Variants in BMPR1A observed in about 807,000 individuals in gnomAD.
BMPR1A encodes bone morphogenetic protein receptor type 1A.
In BMPR1A, 7 loss-of-function variants were observed where a neutral mutation model predicts 66.0. That is an observed-to-expected ratio of 0.11 (90% CI 0.06 to 0.20). The LOEUF (loss-of-function observed/expected upper bound fraction) is 0.20. Among genes scored for constraint, BMPR1A ranks in the 10% least tolerant of loss-of-function variants. The probability of loss-of-function intolerance (pLI) is 1.00; values close to 1 mark genes in which losing one functional copy is unlikely to be tolerated. For synonymous variants in BMPR1A, 200 were observed against 229.7 expected (o/e 0.87, Z 1.17); for missense variants, 408 against 669.1 (o/e 0.61, Z 4.31).
At chr10:86,893,691 G>A (rs567471798) in intron 5 of BMPR1A, among the ~76,000 whole-genome samples, 2 of 152,176 alleles carry the variant, frequency 1.3e-5, no homozygotes, top group South Asian at 2.1e-4. Context: ...GGGAGGCTGA[G>A]GCAGGAGAAT....
intron 2 of BMPR1A, among the ~76,000 whole-genome samples, chr10:86,873,038 A>C (rs1842870943): frequency 6.6e-6 from 1 of 152,208 alleles, no homozygotes; most frequent in South Asian, 2.1e-4. Context: ...GAACTCACAC[A>C]CAGTCCTTTC....
downstream of BMPR1A, chr10:86,930,809 T>G (rs1843800275): frequency 6.6e-6 from 1 of 152,170 alleles, no homozygotes; most frequent in South Asian, 2.1e-4. Flanking sequence ...GGCATAATCA[T>G]AACGCACTGT....
rs369572074 is a variant in BMPR1A at position 86,775,665 on chromosome 10, G to GT, written c.-268+18756dup. Among the ~76,000 whole-genome samples the GT allele has an allele frequency of 7.2e-3, 1,072 of 149,156 alleles. 13 individuals carry two copies. Among genetic ancestry groups the GT allele is most frequent in the African/African-American group, 0.024 (994 of 40,784 alleles). ...AAAGGCATTCCTCTAAAAATAGCTA[G>GT]TTTTTTTTTTAATGTAATAGCTTGC... On this transcript the variant is annotated intron_variant, in intron 1 of 12. Transcript: ENST00000372037.
chr10:86,867,319 C>A (rs1042177405), intron 2 of BMPR1A, among the ~76,000 whole-genome samples: 8 of 152,176 alleles, frequency 5.3e-5, no homozygotes, highest in Non-Finnish European at 1.2e-4. Context: ...AATCCAAAAT[C>A]CAAAACACTT....
At chr10:86,862,671 T>C (rs1842727584) in intron 2 of BMPR1A, among the ~76,000 whole-genome samples, 1 of 152,052 alleles carries the variant, frequency 6.6e-6, no homozygotes, top group Admixed American at 6.6e-5. Context: ...GGACAGATTC[T>C]GCAGGTACAA....
At chr10:86,858,897 C>T (rs1220301429) in intron 2 of BMPR1A, among the ~76,000 whole-genome samples, 1 of 152,078 alleles carries the variant, frequency 6.6e-6, no homozygotes, top group African/African-American at 2.4e-5. Context: ...ATACCAGTGA[C>T]AGTCTTCATA....
intron 2 of BMPR1A, among the ~76,000 whole-genome samples, chr10:86,853,666 C>G (rs192517919): frequency 6.6e-6 from 1 of 152,036 alleles, no homozygotes; most frequent in Non-Finnish European, 1.5e-5. Context: ...GCTGGGCGTC[C>G]GGGGGAGACA....
intron 1 of BMPR1A, among the ~76,000 whole-genome samples, chr10:86,787,285 T>C (rs1299596583): frequency 6.6e-6 from 1 of 152,230 alleles, no homozygotes; most frequent in Admixed American, 6.5e-5. Flanking sequence ...AATTACTGTT[T>C]GGATACTTGG....
chr10:86,883,928 G>A (rs1019385016), intron 3 of BMPR1A, among the ~76,000 whole-genome samples: 14 of 149,358 alleles, frequency 9.4e-5, no homozygotes, highest in African/African-American at 3.5e-4. Context: ...AGGCTGGAGT[G>A]CAGTGGCACA....
intron 1 of BMPR1A, among the ~76,000 whole-genome samples, chr10:86,805,806 C>T (rs529249203): frequency 6.6e-6 from 1 of 151,838 alleles, no homozygotes; most frequent in East Asian, 1.9e-4. Flanking sequence ...TGTAATCATT[C>T]TTCAGTTATC....
intron 2 of BMPR1A, among the ~76,000 whole-genome samples, chr10:86,847,956 G>A (rs1224224370): frequency 3.4e-5 from 5 of 148,644 alleles, no homozygotes; most frequent in Non-Finnish European, 7.4e-5. Flanking sequence ...TTTTGAGATA[G>A]AGTCTCCATC....
chr10:86,932,322 C>T (rs1311918117), downstream of BMPR1A: 1 of 152,144 alleles, frequency 6.6e-6, no homozygotes, highest in East Asian at 1.9e-4. Flanking sequence ...TAGCAATGAC[C>T]AACAATACCA....
At chr10:86,908,410 T>TA (rs1843427529) in intron 7 of BMPR1A, among the ~76,000 whole-genome samples, 1 of 152,214 alleles carries the variant, frequency 6.6e-6, no homozygotes, top group Non-Finnish European at 1.5e-5. Context: ...TACCTCCTCT[T>TA]AGGCTGTTGA....
chr10:86,883,644 G>A (rs1174096657), intron 3 of BMPR1A, among the ~76,000 whole-genome samples: 2 of 149,730 alleles, frequency 1.3e-5, no homozygotes, highest in Non-Finnish European at 3.0e-5. Context: ...GGTGGCAGGC[G>A]CCTGTATCCC....
rs114876354 is a variant in BMPR1A at position 86,827,629 on chromosome 10, C to T, written c.-267-11236C>T. Among the ~76,000 whole-genome samples, 750 of 152,272 alleles carry T rather than the reference C, an allele frequency of 4.9e-3. 6 individuals are homozygous for T. The highest frequency in any genetic ancestry group is 0.017 in the African/African-American group (718 of 41,542). On this transcript the variant is annotated intron_variant, in intron 1 of 12. Transcript: ENST00000372037. ...GTATGGCAGAATGTCTTCTTTTACA[C>T]AGTTGTGGAATAAGCCAGATGAGTT...
chr10:86,821,779 T>C (rs1401848967), intron 1 of BMPR1A, among the ~76,000 whole-genome samples: 2 of 151,904 alleles, frequency 1.3e-5, no homozygotes, highest in Non-Finnish European at 2.9e-5. Flanking sequence ...TTCTTTTTTC[T>C]CCCCCCTCCC....
At chr10:86,802,117 C>G (rs1209760437) in intron 1 of BMPR1A, among the ~76,000 whole-genome samples, 1 of 152,158 alleles carries the variant, frequency 6.6e-6, no homozygotes, top group Non-Finnish European at 1.5e-5. Flanking sequence ...CTCCTTTACT[C>G]TCTCAGTAGC....
At chr10:86,877,608 T>C (rs987706809) in intron 3 of BMPR1A, among the ~76,000 whole-genome samples, 1 of 152,210 alleles carries the variant, frequency 6.6e-6, no homozygotes, top group African/African-American at 2.4e-5. Flanking sequence ...ACAATATCCT[T>C]AGTATTACCA....
chr10:86,849,704 A>G (rs1042817033), intron 2 of BMPR1A, among the ~76,000 whole-genome samples: 10 of 152,338 alleles, frequency 6.6e-5, no homozygotes, highest in African/African-American at 2.2e-4. Flanking sequence ...ATTGAGTAAC[A>G]TAGAGACTTT....
Sources: gnomAD v4.1 joint callset for allele counts (sites outside exome capture counted in the v4.1 genomes callset) on GRCh38, gnomAD v4.1.1 for gene constraint, MANE v1.5 for transcripts, NCBI Gene and HGNC (gene_info 2026-07-23, HGNC 2026-07-21) for gene names.